Variants in HMCN1 observed in about 807,000 individuals in gnomAD.
HMCN1 encodes hemicentin 1, also known as hemicentin-1.
Under a neutral mutation model 625.9 loss-of-function variants are expected in HMCN1, and 321 were observed. That is an observed-to-expected ratio of 0.51 (90% CI 0.47 to 0.56). The LOEUF (loss-of-function observed/expected upper bound fraction) is 0.56, where lower values mean the gene tolerates loss of function less well. HMCN1 is among the 20% of genes least tolerant of loss of function. The probability of loss-of-function intolerance (pLI) is 0.00; values close to 1 mark genes in which losing one functional copy is unlikely to be tolerated. For missense variants in HMCN1, 6,588 were observed against 6,887.3 expected (o/e 0.96, Z 1.54); for synonymous variants, 2,425 against 2,417.6 (o/e 1.00, Z -0.09).
chr1:186,071,051 A>G (rs1053635910), intron 52 of HMCN1, among the ~76,000 whole-genome samples: 1 of 152,188 alleles, frequency 6.6e-6, no homozygotes, highest in Non-Finnish European at 1.5e-5. Context: ...GCAGTTGTCT[A>G]TGAAAATCTG....
chr1:186,110,441 G>A (rs748651269), intron 71 of HMCN1, among the ~76,000 whole-genome samples: 6 of 152,120 alleles, frequency 3.9e-5, no homozygotes, highest in African/African-American at 7.2e-5. Context: ...TGGAGGGGGC[G>A]GTGGTTAACA....
chr1:185,751,573 T>G (rs184975824), intron 1 of HMCN1, among the ~76,000 whole-genome samples: 1 of 152,292 alleles, frequency 6.6e-6, no homozygotes, highest in African/African-American at 2.4e-5. Context: ...AATTCTTGTC[T>G]TTCAGATATT....
intron 102 of HMCN1, among the ~76,000 whole-genome samples, chr1:186,174,052 T>G (rs1326506864): frequency 6.6e-6 from 1 of 152,218 alleles, no homozygotes; most frequent in East Asian, 1.9e-4. Context: ...ACAGGCCTGC[T>G]GTTATCACAA....
At chr1:186,005,446 T>C (rs1653548583) in intron 29 of HMCN1, among the ~76,000 whole-genome samples, 1 of 150,558 alleles carries the variant, frequency 6.6e-6, no homozygotes, top group East Asian at 1.9e-4. Context: ...GTTTAAATTG[T>C]TTATAAATGT....
chr1:186,062,948 A>G (rs1657808106), intron 48 of HMCN1, among the ~76,000 whole-genome samples: 1 of 150,030 alleles, frequency 6.7e-6, no homozygotes, highest in Non-Finnish European at 1.5e-5. Flanking sequence ...GAGTTATTTC[A>G]CTTAAGATAA....
intron 68 of HMCN1, among the ~76,000 whole-genome samples, chr1:186,098,547 C>T (rs941873768): frequency 6.6e-5 from 10 of 151,938 alleles, no homozygotes; most frequent in Non-Finnish European, 1.2e-4. Context: ...TAACAAGAGT[C>T]GGCAAGGATG....
intron 34 of HMCN1, 134 bp from the exon 35 acceptor site, chr1:186,019,407 A>C (rs965727463): frequency 5.7e-6 from 4 of 699,938 alleles, no homozygotes; most frequent in Admixed American, 2.2e-5. Flanking sequence ...ACATGATGAA[A>C]GTATTTCATT....
At position 186,115,278 on chromosome 1, in the gene HMCN1, G is replaced by A; in HGVS notation, c.11425G>A (p.Gly3809Ser). 6.2e-7 allele frequency: 1 copy of A among 1,613,864 alleles called. No homozygotes were observed. Among genetic ancestry groups the A allele is most frequent in the Non-Finnish European group, 8.5e-7 (1 of 1,179,964 alleles). ...CTTAGTTCCTCCATCTATTGCTCCG[G>A]GTCCTACCAACATGACTGTAATAGT... The part of the protein sequence containing the change: ...QVHVPPSIAP[G>S]PTNMTVIVNV... The change falls in exon 75 of 107, where the codon GGT (glycine) becomes AGT (serine). Residue 3809 changes from glycine to serine, a missense_variant. Gly to Ser is a moderately conservative substitution (Grantham distance 56). Coordinates refer to ENST00000271588, the MANE Select transcript of HMCN1 (RefSeq NM_031935.3).
chr1:185,804,357 T>C (rs945988390), intron 1 of HMCN1, among the ~76,000 whole-genome samples: 4 of 151,762 alleles, frequency 2.6e-5, no homozygotes, highest in African/African-American at 7.3e-5. Flanking sequence ...GTTTGTTGAG[T>C]TGTGGTCTGT....
At chr1:185,740,688 G>A (rs1653924785) in intron 1 of HMCN1, among the ~76,000 whole-genome samples, 1 of 150,194 alleles carries the variant, frequency 6.7e-6, no homozygotes, top group Non-Finnish European at 1.5e-5. Flanking sequence ...TGGGCAGGGG[G>A]TGGGGGGTAG....
At chr1:186,132,526 C>CTAAT in intron 86 of HMCN1, 117 bp downstream of exon 86, 1 of 818,250 alleles carries the variant, frequency 1.2e-6, no homozygotes, top group Non-Finnish European at 2.0e-6. Flanking sequence ...CAGAGTGTGT[C>CTAAT]TAATTTAGTT....
At position 186,090,814 on chromosome 1, in the gene HMCN1, G is replaced by A; in HGVS notation, c.9784G>A (p.Glu3262Lys). 1.2e-6 allele frequency: 2 copies of A among 1,612,666 alleles called. No homozygotes were observed. The highest frequency in any genetic ancestry group is 1.7e-6 in the Non-Finnish European group (2 of 1,179,072). ...IPSDVSVLLG[E>K]NVELVCNANG... ...AAGTGATGTCAGTGTCCTTCTAGGA[G>A]AAAATGTTGAGCTGGTCTGCAATGC... Residue 3262 changes from glutamate (E) to lysine (K), a missense_variant, in exon 64 of 107, where the codon GAA becomes AAA. By Grantham distance (56) the Glu-to-Lys change is moderately conservative. Around this residue, in one of 3 missense-constraint regions of HMCN1, gnomAD observed 4,628 missense variants for 4,853.1 expected, o/e 0.95. Coordinates refer to ENST00000271588, the MANE Select transcript of HMCN1 (RefSeq NM_031935.3).
At chr1:185,768,807 AT>A (rs1656041140) in intron 1 of HMCN1, among the ~76,000 whole-genome samples, 1 of 152,146 alleles carries the variant, frequency 6.6e-6, no homozygotes, top group African/African-American at 2.4e-5. Flanking sequence ...ATTAATAATA[AT>A]AATAAAAGAA....
intron 55 of HMCN1, among the ~76,000 whole-genome samples, chr1:186,079,616 C>T (rs1659046813): frequency 6.6e-6 from 1 of 152,056 alleles, no homozygotes; most frequent in African/African-American, 2.4e-5. Context: ...CATCCATGTA[C>T]CTTACAGGCC....
chr1:186,141,655 G>GTAA (rs1649970364), intron 89 of HMCN1, among the ~76,000 whole-genome samples: 1 of 152,154 alleles, frequency 6.6e-6, no homozygotes, highest in South Asian at 2.1e-4. Context: ...AGCCATCATA[G>GTAA]CTCCTAGCTT....
chr1:185,922,427 A>G lies in HMCN1; in HGVS notation c.949A>G (p.Ile317Val). The G allele has an allele frequency of 6.2e-7, 1 of 1,613,780 alleles. No homozygotes were observed. The highest frequency in any genetic ancestry group is 1.1e-5 in the South Asian group (1 of 91,080). Residue 317 changes from isoleucine (I) to valine (V), a missense_variant, in exon 7 of 107, where the codon ATT becomes GTT. Transcript: ENST00000271588. ...TGTTCGCATTACTGGCCTCAGTACT[A>G]TTGATTTCCGAGCTGGCTTTTCTCG... ...HSVRITGLST[I>V]DFRAGFSRKP...
chr1:185,853,697 C>T (rs932454707), intron 2 of HMCN1, among the ~76,000 whole-genome samples: 5 of 152,072 alleles, frequency 3.3e-5, no homozygotes, highest in East Asian at 1.9e-4. Context: ...GAAGCAAATA[C>T]GTTGTTGATA....
chr1:185,818,234 C>A (rs940350058), intron 1 of HMCN1, among the ~76,000 whole-genome samples: 1 of 152,276 alleles, frequency 6.6e-6, no homozygotes, highest in Non-Finnish European at 1.5e-5. Context: ...AAATTGATTA[C>A]CTAAGTTGCC....
rs1350209898 is a variant in HMCN1 at position 186,087,576 on chromosome 1, G to C, written c.9294G>C (p.Arg3098=). ...TCATCACTTGGTATAAGAATGGGCG[G>C]ATGATAACAGAGTCTACTCATGTGG... The part of the protein sequence containing the change: ...PPVITWYKNG[R]MITESTHVEI... The change falls in exon 60 of 107, where the codon CGG becomes CGC. Residue 3098 remains arginine (R), a synonymous_variant. Coordinates refer to ENST00000271588, the MANE Select transcript of HMCN1 (RefSeq NM_031935.3). 1 of 1,613,320 alleles carries C rather than the reference G, an allele frequency of 6.2e-7. No individual in the cohort carries two copies. Among genetic ancestry groups the C allele is most frequent in the Non-Finnish European group, 8.5e-7 (1 of 1,179,482 alleles).
Sources: gnomAD v4.1 joint callset for allele counts (sites outside exome capture counted in the v4.1 genomes callset) on GRCh38, gnomAD v4.1.1 for gene constraint, gnomAD v4.1.1 regional missense constraint, MANE v1.5 for transcripts, NCBI Gene and HGNC (gene_info 2026-07-23, HGNC 2026-07-21) for gene names.